The following FAAH2 variants were observed in gnomAD, a reference collection of about 807,000 sequenced individuals.
The protein encoded by FAAH2 is fatty-acid amide hydrolase 2.
A neutral mutation model predicts 36.9 loss-of-function variants in FAAH2; 60 were observed. That is an observed-to-expected ratio of 1.63 (90% CI 1.32 to 2.02). FAAH2 has a LOEUF of 2.02. Among genes scored for constraint, FAAH2 ranks in the 30% most tolerant of loss-of-function variants. The pLI is 0.00. For synonymous variants in FAAH2, 214 were observed against 143.8 expected (o/e 1.49, Z -3.49); for missense variants, 689 against 397.5 (o/e 1.73, Z -6.23).
At chrX:57,480,484 C>T (rs2057359400) in intron 10 of FAAH2, among the ~76,000 whole-genome samples, 1 of 111,595 alleles carries the variant, frequency 9.0e-6, no homozygotes, top group African/African-American at 3.3e-5. Context: ...TTTATTTCTC[C>T]TTCCCTTATG....
At chrX:57,306,990 C>G (rs867624964) in intron 2 of FAAH2, among the ~76,000 whole-genome samples, 6 of 8,999 alleles carry the variant, frequency 6.7e-4, no homozygotes, top group African/African-American at 7.5e-4. Flanking sequence ...CACACACACA[C>G]ACAGATACAT....
At chrX:57,290,390 C>A in intron 1 of FAAH2, 1 of 454,806 alleles carries the variant, frequency 2.2e-6, no homozygotes, top group Non-Finnish European at 2.7e-6. Context: ...AAATCTCTGT[C>A]TGTGCATGCA....
the FAAH2 span, among the ~76,000 whole-genome samples, chrX:57,160,232 C>T: frequency 0.016 from 1,769 of 111,552 alleles, 19 homozygotes; most frequent in Middle Eastern, 0.042. Flanking sequence ...CTGTTGGCTT[C>T]GGTTTGCCAG....
At chrX:57,467,175 G>A (rs777340114) in intron 10 of FAAH2, among the ~76,000 whole-genome samples, 2 of 111,419 alleles carry the variant, frequency 1.8e-5, no homozygotes, top group South Asian at 7.6e-4. Flanking sequence ...CAGCATGAGC[G>A]ACGCAGAAGA....
chrX:57,365,407 A>G (rs2054389017), intron 5 of FAAH2, among the ~76,000 whole-genome samples: 1 of 111,560 alleles, frequency 9.0e-6, no homozygotes, highest in Non-Finnish European at 1.9e-5. Flanking sequence ...GGTTTCTAAG[A>G]TTTCTGCTGA....
At chrX:57,121,776 C>A in the FAAH2 span, 9 of 112,549 alleles carry the variant, frequency 8.0e-5, no homozygotes, top group Non-Finnish European at 1.3e-4. Context: ...TTGGTTCCCA[C>A]CTCCACCTTC....
chrX:57,256,101 CA>C, the FAAH2 span, among the ~76,000 whole-genome samples: 1 of 111,887 alleles, frequency 8.9e-6, no homozygotes, highest in Non-Finnish European at 1.9e-5. Context: ...AATCGATGTG[CA>C]AAAATCACAA....
chrX:57,198,746 A>G, the FAAH2 span, among the ~76,000 whole-genome samples: 3 of 112,287 alleles, frequency 2.7e-5, no homozygotes, highest in Non-Finnish European at 5.6e-5. Context: ...GCCATCCCTG[A>G]GCTTCCCTGG....
At chrX:57,195,120 G>A in the FAAH2 span, among the ~76,000 whole-genome samples, 1 of 111,316 alleles carries the variant, frequency 9.0e-6, no homozygotes, top group African/African-American at 3.3e-5. Flanking sequence ...TCTCTTGGTA[G>A]ATACCCAGTA....
the FAAH2 span, among the ~76,000 whole-genome samples, chrX:57,175,282 T>G: frequency 2.7e-5 from 3 of 111,870 alleles, no homozygotes; most frequent in Non-Finnish European, 5.7e-5. Flanking sequence ...TAATTAGGAT[T>G]GTAATATCTT....
intron 8 of FAAH2, among the ~76,000 whole-genome samples, chrX:57,444,715 C>T: frequency 8.9e-6 from 1 of 111,794 alleles, no homozygotes; most frequent in East Asian, 2.8e-4. Flanking sequence ...ATTCAGCCAT[C>T]TTGTAACCTC....
chrX:57,123,077 T>C, the FAAH2 span, among the ~76,000 whole-genome samples: 1 of 111,322 alleles, frequency 9.0e-6, no homozygotes, highest in African/African-American at 3.3e-5. Context: ...TGTGTATACG[T>C]GTGCCATGTT....
chrX:57,475,480 T>G (rs2057249241), intron 10 of FAAH2, among the ~76,000 whole-genome samples: 1 of 112,085 alleles, frequency 8.9e-6, no homozygotes, highest in South Asian at 3.7e-4. Context: ...TTTTGTCAGG[T>G]TTATTGAAGA....
chrX:57,368,765 C>A (rs1285840269), intron 5 of FAAH2, among the ~76,000 whole-genome samples: 1 of 111,211 alleles, frequency 9.0e-6, no homozygotes, highest in Non-Finnish European at 1.9e-5. Flanking sequence ...GAAAAGATAA[C>A]CATTCCACCT....
At chrX:57,413,038 C>T (rs1196883840) in intron 7 of FAAH2, among the ~76,000 whole-genome samples, 2 of 112,105 alleles carry the variant, frequency 1.8e-5, no homozygotes, top group East Asian at 2.8e-4. Context: ...TGAGAAGTGT[C>T]TGTTTATATG....
chrX:57,443,424 T>A (rs1486344688), intron 8 of FAAH2, among the ~76,000 whole-genome samples: 1 of 112,420 alleles, frequency 8.9e-6, no homozygotes, highest in Non-Finnish European at 1.9e-5. Context: ...TGTGCATTCA[T>A]CACGTAGTTC....
intron 4 of FAAH2, among the ~76,000 whole-genome samples, chrX:57,335,517 C>T (rs1162863592): frequency 1.8e-5 from 2 of 109,039 alleles, no homozygotes; most frequent in African/African-American, 6.6e-5. Context: ...AGTATTGCTG[C>T]CAGCATGTCC....
the FAAH2 span, among the ~76,000 whole-genome samples, chrX:57,156,451 G>A: frequency 8.9e-6 from 1 of 111,833 alleles, no homozygotes. Context: ...ATATTCTTCA[G>A]TATCTGGGCA....
chrX:57,235,473 C>T, the FAAH2 span, among the ~76,000 whole-genome samples: 4 of 111,528 alleles, frequency 3.6e-5, no homozygotes, highest in Non-Finnish European at 3.8e-5. Flanking sequence ...ACTGATTACA[C>T]AAGTTCATCT....
Sources: allele counts gnomAD v4.1 joint callset (sites outside exome capture counted in the v4.1 genomes callset), GRCh38; gene constraint gnomAD v4.1.1; transcripts MANE v1.5; gene names NCBI Gene and HGNC (gene_info 2026-07-23, HGNC 2026-07-21).